DISP1: variants seen among roughly 807,000 people sequenced by gnomAD.
DISP1 encodes protein dispatched homolog 1.
Under a neutral mutation model 37.3 loss-of-function variants are expected in DISP1, and 30 were observed. That is an observed-to-expected ratio of 0.80 (90% CI 0.60 to 1.09). The LOEUF is 1.09. DISP1 is among the 50% of genes least tolerant of loss of function. The pLI is 0.00. For synonymous variants in DISP1, 634 were observed against 690.2 expected (o/e 0.92, Z 1.28); for missense variants, 1,598 against 1,879.5 (o/e 0.85, Z 2.77).
intron 2 of DISP1, among the ~76,000 whole-genome samples, chr1:222,937,207 A>T (rs1674006250): frequency 1.3e-5 from 2 of 150,136 alleles, no homozygotes; most frequent in African/African-American, 4.9e-5. Flanking sequence ...CTCCTGCCTC[A>T]GCCTCCTGAG....
chr1:222,894,204 G>GT (rs1378693385), intron 1 of DISP1, among the ~76,000 whole-genome samples: 1 of 152,152 alleles, frequency 6.6e-6, no homozygotes, highest in Non-Finnish European at 1.5e-5. Context: ...TGACAGCCCG[G>GT]TCCCCAGGCT....
intron 3 of DISP1, among the ~76,000 whole-genome samples, chr1:222,961,031 C>G (rs1233178307): frequency 6.6e-6 from 1 of 152,036 alleles, no homozygotes; most frequent in Admixed American, 6.5e-5. Context: ...CCGAATTTTA[C>G]CAGAGGTACA....
chr1:222,959,317 G>A (rs773985008), intron 3 of DISP1, among the ~76,000 whole-genome samples: 1 of 152,086 alleles, frequency 6.6e-6, no homozygotes, highest in Non-Finnish European at 1.5e-5. Flanking sequence ...TATTTTACAT[G>A]CATTCTCTGA....
Position 223,005,390 on chromosome 1 carries a change from C to T in DISP1, c.3993C>T (p.His1331=). 6.2e-7 allele frequency: 1 copy of T among 1,613,508 alleles called. No homozygotes were observed. Among genetic ancestry groups the T allele is most frequent in the Non-Finnish European group, 8.5e-7 (1 of 1,180,034 alleles). ...AGGGCTTTGTGCACCCCATCACGCA[C>T]ATCCACCACTGTCCCTGCCTGCAGG... is the stretch of plus-strand genomic sequence containing the variant. The part of the protein sequence containing the change: ...AVEGFVHPIT[H]IHHCPCLQGR... Residue 1331 remains histidine (H), a synonymous_variant, in exon 9 of 9, where the codon CAC becomes CAT. Transcript: ENST00000675850.
intron 1 of DISP1, among the ~76,000 whole-genome samples, chr1:222,832,539 A>T (rs1666014960): frequency 6.6e-6 from 1 of 152,300 alleles, no homozygotes; most frequent in East Asian, 1.9e-4. Flanking sequence ...AAAATGCAGG[A>T]TTACTTTAGC....
chr1:222,889,055 T>A (rs908295115), intron 1 of DISP1, among the ~76,000 whole-genome samples: 34 of 152,136 alleles, frequency 2.2e-4, no homozygotes, highest in African/African-American at 8.0e-4. Context: ...AATGTTACTT[T>A]GAGACATTTA....
chr1:222,869,837 G>A lies in DISP1; in HGVS notation c.-159+54759G>A, dbSNP rs1320387693. Among the ~76,000 whole-genome samples the A allele has an allele frequency of 2.6e-5, 4 of 151,698 alleles. No individual in the cohort carries two copies. The East Asian group carries it at 5.8e-4, about 22-fold the overall frequency. ...AAGTTTTAGGGTACATGTGCACAAC[G>A]TGCAGGTTTGTTACATATGTATACA... is the stretch of plus-strand genomic sequence containing the variant. On this transcript the variant is annotated intron_variant, in intron 1 of 8. Transcript: ENST00000675850.
intron 4 of DISP1, among the ~76,000 whole-genome samples, chr1:222,988,732 C>T (rs539052974): frequency 6.7e-6 from 1 of 149,434 alleles, no homozygotes; most frequent in South Asian, 2.1e-4. Context: ...CTGCTCACTG[C>T]AACCTCCGCC....
At chr1:222,885,938 T>G (rs754180928) in intron 1 of DISP1, among the ~76,000 whole-genome samples, 1 of 151,824 alleles carries the variant, frequency 6.6e-6, no homozygotes, top group Non-Finnish European at 1.5e-5. Flanking sequence ...TATTCCTAAT[T>G]TGTATGATAG....
At chr1:222,905,711 T>C (rs1383928322) in intron 1 of DISP1, among the ~76,000 whole-genome samples, 2 of 152,228 alleles carry the variant, frequency 1.3e-5, no homozygotes, top group Non-Finnish European at 2.9e-5. Flanking sequence ...TAATTGGGTC[T>C]ATCTGAAAGC....
chr1:222,902,850 G>C (rs1473542146), intron 1 of DISP1, among the ~76,000 whole-genome samples: 13 of 151,354 alleles, frequency 8.6e-5, no homozygotes, highest in Admixed American at 3.9e-4. Context: ...TACACTGTTG[G>C]TGGGACTGTA....
chr1:222,847,117 G>A (rs1457766381), intron 1 of DISP1, among the ~76,000 whole-genome samples: 1 of 152,136 alleles, frequency 6.6e-6, no homozygotes, highest in Non-Finnish European at 1.5e-5. Flanking sequence ...TCTTTCCACA[G>A]AGGTAAAACT....
At chr1:222,989,624 C>A in intron 4 of DISP1, 1 of 908,848 alleles carries the variant, frequency 1.1e-6, no homozygotes, top group African/African-American at 1.8e-5. Flanking sequence ...AGACTAAAAC[C>A]AGATTGTAGT....
chr1:222,949,083 C>T (rs2039783), intron 3 of DISP1, among the ~76,000 whole-genome samples: 123,527 of 152,072 alleles, frequency 0.81, 50,760 homozygotes, highest in East Asian at 0.94. Flanking sequence ...AAAAAAATTC[C>T]TTTTTAGTGT....
chr1:222,927,120 T>C (rs1673130157), intron 1 of DISP1, among the ~76,000 whole-genome samples: 1 of 152,104 alleles, frequency 6.6e-6, no homozygotes. Flanking sequence ...TTTTTTTTTT[T>C]TTTTGCAGAA....
chr1:222,860,753 C>T (rs1338020982), intron 1 of DISP1, among the ~76,000 whole-genome samples: 1 of 151,852 alleles, frequency 6.6e-6, no homozygotes, highest in East Asian at 1.9e-4. Context: ...GGCGGGGTAG[C>T]GTGTGCCTGT....
intron 3 of DISP1, among the ~76,000 whole-genome samples, chr1:222,963,837 A>G (rs1676254662): frequency 6.6e-6 from 1 of 152,120 alleles, no homozygotes; most frequent in Non-Finnish European, 1.5e-5. Context: ...GCACATGTAT[A>G]CCTATATAAC....
At chr1:222,846,973 T>C (rs761319537) in intron 1 of DISP1, among the ~76,000 whole-genome samples, 3 of 152,246 alleles carry the variant, frequency 2.0e-5, no homozygotes, top group Non-Finnish European at 4.4e-5. Context: ...ATATCTATTA[T>C]ATAAAATGAT....
At chr1:222,963,407 C>T (rs1184602223) in intron 3 of DISP1, among the ~76,000 whole-genome samples, 1 of 152,156 alleles carries the variant, frequency 6.6e-6, no homozygotes, top group Non-Finnish European at 1.5e-5. Flanking sequence ...TTTGACCCAG[C>T]AATCCCATTA....
Sources: gnomAD v4.1 joint callset for allele counts (sites outside exome capture counted in the v4.1 genomes callset) on GRCh38, gnomAD v4.1.1 for gene constraint, MANE v1.5 for transcripts, NCBI Gene and HGNC (gene_info 2026-07-23, HGNC 2026-07-21) for gene names.